The following DDX18 variants were observed in gnomAD, a reference collection of about 807,000 sequenced individuals.
DDX18 encodes the protein DEAD-box helicase 18.
In DDX18, 23 loss-of-function variants were observed where a neutral mutation model predicts 73.5. The observed-to-expected ratio is 0.31, with a 90% confidence interval of 0.23 to 0.44. The LOEUF (loss-of-function observed/expected upper bound fraction) is 0.44, where lower values mean the gene tolerates loss of function less well. Among genes scored for constraint, DDX18 ranks in the 20% least tolerant of loss-of-function variants. The pLI is 1.00. For missense variants in DDX18, 753 were observed against 792.9 expected, an observed-to-expected ratio of 0.95 and a Z score of 0.60; for synonymous variants, 268 against 282.7, an observed-to-expected ratio of 0.95 and a Z score of 0.52.
intron 11 of DDX18, chr2:117,828,475 C>T (rs765520572): frequency 5.9e-5 from 9 of 152,826 alleles, no homozygotes; most frequent in Non-Finnish European, 1.3e-4. Context: ...GCACCTGGCA[C>T]AGGCCTGTTG....
At position 117,814,751 on chromosome 2, in the gene DDX18, C is replaced by T; in HGVS notation, c.-27C>T. ...AACTGAGTAGCTGTACTGTGTGGCG[C>T]CTTATTCTAGGCACTTGTTGGGCAG... On this transcript the variant is annotated 5_prime_UTR_variant, in exon 1 of 14. Transcript: ENST00000263239. The T allele has an allele frequency of 6.2e-7, 1 of 1,613,054 alleles. No individual in the cohort carries two copies. Among genetic ancestry groups the T allele is most frequent in the Non-Finnish European group, 8.5e-7 (1 of 1,179,048 alleles).
intron 10 of DDX18, chr2:117,825,892 A>G (rs935886821): frequency 4.8e-6 from 2 of 419,288 alleles, no homozygotes; most frequent in Non-Finnish European, 4.2e-6. Context: ...AAGGAAGTAG[A>G]TAAACTTCTG....
chr2:117,817,966 C>G (rs557979361), intron 2 of DDX18, among the ~76,000 whole-genome samples: 1 of 152,346 alleles, frequency 6.6e-6, no homozygotes, highest in South Asian at 2.1e-4. Flanking sequence ...AAGAAAACCT[C>G]TCTCAGAAAA....
At chr2:117,823,417 G>A (rs1452584985) in intron 7 of DDX18, among the ~76,000 whole-genome samples, 1 of 152,078 alleles carries the variant, frequency 6.6e-6, no homozygotes, top group Non-Finnish European at 1.5e-5. Context: ...AAAATTTCAA[G>A]TTCCAATTGC....
intron 8 of DDX18, 84 bp downstream of exon 8, chr2:117,824,792 A>G: frequency 2.7e-6 from 4 of 1,474,698 alleles, no homozygotes; most frequent in Non-Finnish European, 3.6e-6. Flanking sequence ...CAGAAAGCAA[A>G]TGGGTTAATG....
intron 4 of DDX18, 21 bp downstream of exon 4, chr2:117,821,317 T>A: frequency 6.3e-7 from 1 of 1,586,836 alleles, no homozygotes; most frequent in Non-Finnish European, 8.5e-7. Context: ...CATTGAAGCT[T>A]AGATATTGGC....
Position 117,822,073 on chromosome 2 carries a change from A to G in DDX18, c.951+12A>G, listed in dbSNP as rs759120615. ...TGGACCATATGCAGGTAAGAGATGT[A>G]GTGCTTGTCTCATTGTCTTGTATGA... On this transcript the variant is annotated intron_variant, in intron 6 of 13. Coordinates refer to ENST00000263239, the MANE Select transcript of DDX18 (RefSeq NM_006773.4). 1 of 1,614,002 alleles carries G rather than the reference A, an allele frequency of 6.2e-7. No individual in the cohort carries two copies. The highest frequency in any genetic ancestry group is 8.5e-7 in the Non-Finnish European group (1 of 1,179,896).
chr2:117,819,554 T>C (rs995598730), intron 2 of DDX18, 95 bp from the exon 3 acceptor site: 2 of 1,153,506 alleles, frequency 1.7e-6, no homozygotes, highest in Admixed American at 6.3e-5. Context: ...TTTGAAAATA[T>C]ACGTCTTTAT....
intron 3 of DDX18, 142 bp downstream of exon 3, chr2:117,819,934 G>T: frequency 2.7e-6 from 2 of 751,866 alleles, no homozygotes; most frequent in African/African-American, 1.8e-5. Flanking sequence ...ATATCTTTCT[G>T]CTGCTTTTTC....
Position 117,819,761 on chromosome 2 carries a change from T to C in DDX18, c.483T>C (p.Ser161=), listed in dbSNP as rs1198805807. ...AGCCAGATAATGATGAAGATGAGAGTGAGGTGCCCAGTCTGCCCCTGGGAC... is the reference window on the plus strand; with the variant it reads ...AGCCAGATAATGATGAAGATGAGAGCGAGGTGCCCAGTCTGCCCCTGGGAC... ...VEKPDNDEDE[S]EVPSLPLGLT... The change falls in exon 3 of 14, where the codon AGT becomes AGC. Residue 161 remains serine, a synonymous_variant. Coordinates refer to ENST00000263239, the MANE Select transcript of DDX18 (RefSeq NM_006773.4). 6.2e-7 allele frequency: 1 copy of C among 1,603,414 alleles called. No individual in the cohort carries two copies. Among genetic ancestry groups the C allele is most frequent in the Non-Finnish European group, 8.5e-7 (1 of 1,176,404 alleles).
chr2:117,826,249 A>G lies in DDX18; in HGVS notation c.1522-20A>G, dbSNP rs1164522528. On this transcript the variant is annotated intron_variant, in intron 10 of 13. Coordinates refer to ENST00000263239, the MANE Select transcript of DDX18 (RefSeq NM_006773.4). ...TGTGGAAGTCACTGCGTTAACTCAG[A>G]TTTTCTTTCTCCACCAAAGGAATAT... The G allele has an allele frequency of 6.2e-7, 1 of 1,607,476 alleles. No individual in the cohort carries two copies. The highest frequency in any genetic ancestry group is 1.3e-5 in the African/African-American group (1 of 74,610).
At chr2:117,814,915 G>A (rs1288474967) in intron 1 of DDX18, 53 bp downstream of exon 1, 1 of 1,596,012 alleles carries the variant, frequency 6.3e-7, no homozygotes, top group African/African-American at 1.3e-5. Context: ...GAGCCCTGGC[G>A]CGTTCGGGCG....
At chr2:117,820,734 T>G (rs1452420518) in intron 3 of DDX18, among the ~76,000 whole-genome samples, 1 of 152,228 alleles carries the variant, frequency 6.6e-6, no homozygotes, top group Non-Finnish European at 1.5e-5. Context: ...TATCTGACTC[T>G]TCTGTGTCTT....
At position 117,826,358 on chromosome 2, in the gene DDX18, T is replaced by C. The variant is rs374123657; in HGVS notation, c.1611T>C (p.Phe537=). ...TTTTGCGCCCAGAAGAATTGGGTTT[T>C]CTTCGCTACTTGAAACAATCCAAGG... ...LLILRPEELG[F]LRYLKQSKVP... Residue 537 remains phenylalanine, a synonymous_variant, in exon 11 of 14, where the codon TTT becomes TTC. Transcript: ENST00000263239. The C allele has an allele frequency of 2.5e-6, 4 of 1,613,966 alleles. 1 individual carries two copies. In the Admixed American group the frequency reaches 5.0e-5, roughly 20 times the overall value.
At chr2:117,822,828 C>T (rs964384340) in intron 7 of DDX18, 3 of 153,612 alleles carry the variant, frequency 2.0e-5, no homozygotes, top group East Asian at 1.9e-4. Context: ...CCTCCTTACA[C>T]GTATACCTTG....
chr2:117,818,908 T>C lies in DDX18; in HGVS notation c.371-741T>C, dbSNP rs930504229. Among the ~76,000 whole-genome samples, 7 of 152,176 alleles carry C rather than the reference T, an allele frequency of 4.6e-5. No individual in the cohort carries two copies. The East Asian group carries it at 1.3e-3, about 29-fold the overall frequency. On this transcript the variant is annotated intron_variant, in intron 2 of 13. Coordinates refer to ENST00000263239, the MANE Select transcript of DDX18 (RefSeq NM_006773.4). ...TGAAGATATCTGTGGCTTTTGAACA[T>C]GTAGGTCCTACAAAGTTGACTCTTT...
intron 7 of DDX18, among the ~76,000 whole-genome samples, chr2:117,823,970 A>G (rs1679885258): frequency 1.3e-5 from 2 of 152,166 alleles, no homozygotes; most frequent in African/African-American, 4.8e-5. Context: ...ACCAACCTGC[A>G]TTTCTAGAAT....
chr2:117,826,328 G>C lies in DDX18; in HGVS notation c.1581G>C (p.Leu527Phe). Residue 527 changes from leucine to phenylalanine, a missense_variant, in exon 11 of 14, where the codon TTG becomes TTC. Transcript: ENST00000263239. ...ARGLNGRGHA[L>F]LILRPEELGF... ...GCCTAAATGGGAGAGGGCATGCCTT[G>C]CTCATTTTGCGCCCAGAAGAATTGG... 6.2e-7 allele frequency: 1 copy of C among 1,614,068 alleles called. No individual in the cohort carries two copies. Among genetic ancestry groups the C allele is most frequent in the Non-Finnish European group, 8.5e-7 (1 of 1,180,010 alleles).
chr2:117,814,691 A>G lies in DDX18; in HGVS notation c.-87A>G, dbSNP rs569718306. ...GCGTTTCCTGTTGGCCGAGCTGCGCACGTGCGGCCGGAAGGGAAGTAACGT... is the reference window on the plus strand; with the variant it reads ...GCGTTTCCTGTTGGCCGAGCTGCGCGCGTGCGGCCGGAAGGGAAGTAACGT... On this transcript the variant is annotated 5_prime_UTR_variant, in exon 1 of 14. Transcript: ENST00000263239. The G allele has an allele frequency of 7.3e-7, 1 of 1,377,684 alleles. No individual in the cohort carries two copies. The highest frequency in any genetic ancestry group is 1.9e-5 in the Admixed American group (1 of 53,100). The allele number at this position is 1,377,684 out of a possible 1,614,324, so 85.3% of individuals were successfully genotyped here. A position where few individuals can be genotyped will look rare whatever the true frequency, so the allele number is the denominator to read the frequency against.
Sources: gnomAD v4.1 joint callset for allele counts (sites outside exome capture counted in the v4.1 genomes callset) on GRCh38, gnomAD v4.1.1 for gene constraint, MANE v1.5 for transcripts, NCBI Gene and HGNC (gene_info 2026-07-23, HGNC 2026-07-21) for gene names.